The following TIGIT variants were observed in gnomAD, a reference collection of about 807,000 sequenced individuals.
TIGIT encodes the protein T cell immunoreceptor with Ig and ITIM domains, also known as T-cell immunoreceptor with Ig and ITIM domains.
TIGIT carries 11 observed loss-of-function variants against 19.6 expected under a neutral mutation model. The observed-to-expected ratio is 0.56, with a 90% CI of 0.35 to 0.93. TIGIT has a LOEUF of 0.93. Among genes scored for constraint, TIGIT ranks in the 40% least tolerant of loss-of-function variants. The pLI is 0.01. For missense variants in TIGIT, 295 were observed against 303.9 expected (o/e 0.97, Z 0.22); for synonymous variants, 130 against 125.5 (o/e 1.04, Z -0.24).
Position 114,308,244 on chromosome 3 carries a change from T to A in TIGIT, c.*113T>A. 1 of 792,126 alleles carries A rather than the reference T, an allele frequency of 1.3e-6. No homozygotes were observed. Among genetic ancestry groups the A allele is most frequent in the South Asian group, 1.7e-5 (1 of 59,918 alleles). The allele number at this position is 792,126 out of a possible 1,614,324, so 49.1% of individuals were successfully genotyped here. On this transcript the variant is annotated 3_prime_UTR_variant, in exon 4 of 4. Transcript: ENST00000383671. ...GTGTGTGTGTGTGTGTGTATGTGTG[T>A]GTGTGTTCAGTTGAGTGAATAAATG...
chr3:114,306,650 A>C (rs1489786693), intron 3 of TIGIT, among the ~76,000 whole-genome samples: 1 of 152,216 alleles, frequency 6.6e-6, no homozygotes, highest in Non-Finnish European at 1.5e-5. Context: ...AATGTAAGGC[A>C]CTTAGCATTT....
At chr3:114,296,218 A>G (rs2078452923) in intron 2 of TIGIT, among the ~76,000 whole-genome samples, 1 of 152,254 alleles carries the variant, frequency 6.6e-6, no homozygotes, top group Non-Finnish European at 1.5e-5. Context: ...TTGGTTTAGT[A>G]TAATTGTGCA....
chr3:114,295,817 A>G lies in TIGIT; in HGVS notation c.334A>G (p.Thr112Ala), dbSNP rs2078450294. 6.2e-7 allele frequency: 1 copy of G among 1,613,804 alleles called. No individual in the cohort carries two copies. The highest frequency in any genetic ancestry group is 1.3e-5 in the African/African-American group (1 of 74,996). Residue 112 changes from threonine to alanine, a missense_variant, in exon 2 of 4, where the codon ACC (threonine) becomes GCC (alanine). Coordinates refer to ENST00000383671, the MANE Select transcript of TIGIT (RefSeq NM_173799.4). ...AGGGGAGTACTTCTGCATCTATCAC[A>G]CCTACCCTGATGGGACGTACACTGG... ...DTGEYFCIYHTYPDGTYTGRI... is the reference protein window; with the variant it reads ...DTGEYFCIYHAYPDGTYTGRI...
chr3:114,297,303 G>T (rs181222856), intron 2 of TIGIT, among the ~76,000 whole-genome samples: 2 of 152,096 alleles, frequency 1.3e-5, no homozygotes, highest in Non-Finnish European at 2.9e-5. Context: ...CAGTTTTCTT[G>T]TCGATAAAAT....
In TIGIT at chr3:114,309,847, T is replaced by C. The variant is rs1317218060; in HGVS notation, c.*1716T>C. 1.3e-5 allele frequency: 2 copies of C among 151,962 alleles called. No individual in the cohort carries two copies. The highest frequency in any genetic ancestry group is 2.9e-5 in the Non-Finnish European group (2 of 67,992). The allele number at this position is 151,962 out of a possible 1,614,324, so 9.4% of individuals were successfully genotyped here. ...TATTCGGCAGAGGTTGGACTGAGAG[T>C]TGGGTGTTATTTAACATAATTATGG... is the stretch of plus-strand genomic sequence containing the variant. On this transcript the variant is annotated 3_prime_UTR_variant, in exon 4 of 4. Transcript: ENST00000383671.
In TIGIT at chr3:114,308,442, A is replaced by T. The variant is rs2078550226; in HGVS notation, c.*311A>T. The T allele has an allele frequency of 4.3e-6, 1 of 230,728 alleles. No individual in the cohort carries two copies. Among genetic ancestry groups the T allele is most frequent in the African/African-American group, 2.3e-5 (1 of 43,700 alleles). The allele number at this position is 230,728 out of a possible 1,614,324, so 14.3% of individuals were successfully genotyped here. On this transcript the variant is annotated 3_prime_UTR_variant, in exon 4 of 4. Transcript: ENST00000383671. ...CAGATCCTATGTCTCTGAGAGACAC[A>T]TTCCTCATAATGGCCAGCATTTTGG...
At chr3:114,303,467 T>C (rs2078504853) in intron 3 of TIGIT, among the ~76,000 whole-genome samples, 1 of 148,848 alleles carries the variant, frequency 6.7e-6, no homozygotes, top group East Asian at 1.9e-4. Flanking sequence ...TGTTCCTTTT[T>C]ATGGCTGAGT....
In TIGIT at chr3:114,296,873, C is replaced by G. The variant is rs1176728998; in HGVS notation, c.391+999C>G. ...AAGATAAAAGGTTACCTTAAAGTTT[C>G]CTTTCAAATGTTACTTCTTTTTTTT... On this transcript the variant is annotated intron_variant, in intron 2 of 3. Transcript: ENST00000383671. Among the ~76,000 whole-genome samples, 4 of 147,634 alleles carry G rather than the reference C, an allele frequency of 2.7e-5. No individual in the cohort carries two copies. The Admixed American group carries it at 2.7e-4, about 10-fold the overall frequency.
intron 3 of TIGIT, among the ~76,000 whole-genome samples, chr3:114,305,526 G>A (rs958248459): frequency 6.6e-6 from 1 of 152,196 alleles, no homozygotes; most frequent in Non-Finnish European, 1.5e-5. Context: ...CTTGGCTGAA[G>A]CAAGAATTGT....
chr3:114,304,847 G>T (rs981036799), intron 3 of TIGIT, among the ~76,000 whole-genome samples: 4 of 152,174 alleles, frequency 2.6e-5, no homozygotes, highest in Admixed American at 2.6e-4. Context: ...TCTTTCCAGA[G>T]ATCCTCATTC....
Position 114,308,087 on chromosome 3 carries a change from T to C in TIGIT, c.691T>C (p.Tyr231His). ...GCATGACTACTTCAATGTCCTGAGT[T>C]ACAGAAGCCTGGGTAACTGCAGCTT... ...ELHDYFNVLSYRSLGNCSFFT... is the reference protein window; with the variant it reads ...ELHDYFNVLSHRSLGNCSFFT... Residue 231 changes from tyrosine (Y) to histidine (H), a missense_variant, in exon 4 of 4, where the codon TAC becomes CAC. Coordinates refer to ENST00000383671, the MANE Select transcript of TIGIT (RefSeq NM_173799.4). 6.2e-7 allele frequency: 1 copy of C among 1,614,180 alleles called. No individual in the cohort carries two copies. Among genetic ancestry groups the C allele is most frequent in the Non-Finnish European group, 8.5e-7 (1 of 1,180,036 alleles).
intron 3 of TIGIT, among the ~76,000 whole-genome samples, chr3:114,303,630 T>TAC (rs3085123): frequency 0.017 from 1,963 of 115,548 alleles, 120 homozygotes; most frequent in African/African-American, 0.06. Context: ...TGTATATATA[T>TAC]ACACACACAC....
chr3:114,295,335 A>G (rs1406262958), intron 1 of TIGIT, among the ~76,000 whole-genome samples: 3 of 152,134 alleles, frequency 2.0e-5, no homozygotes, highest in African/African-American at 7.2e-5. Context: ...GGGGACTGGG[A>G]GCCTTGAATA....
chr3:114,306,485 G>T (rs1371974036), intron 3 of TIGIT, among the ~76,000 whole-genome samples: 1 of 137,766 alleles, frequency 7.3e-6, no homozygotes, highest in Non-Finnish European at 1.7e-5. Flanking sequence ...CATGTTCTTT[G>T]GAATCAGACA....
chr3:114,308,559 C>T lies in TIGIT; in HGVS notation c.*428C>T, dbSNP rs1048390730. 3 of 157,884 alleles carry T rather than the reference C, an allele frequency of 1.9e-5. No individual in the cohort carries two copies. The highest frequency in any genetic ancestry group is 6.3e-5 in the Admixed American group (1 of 15,914). The allele number at this position is 157,884 out of a possible 1,614,324, so 9.8% of individuals were successfully genotyped here. On this transcript the variant is annotated 3_prime_UTR_variant, in exon 4 of 4. Transcript: ENST00000383671. ...CACGTCATTTTCAGTAACTTTCACTCATTCAAAGGCAGGTTATAAGTAAGT... is the reference window on the plus strand; with the variant it reads ...CACGTCATTTTCAGTAACTTTCACTTATTCAAAGGCAGGTTATAAGTAAGT...
At chr3:114,305,570 G>C (rs772148797) in intron 3 of TIGIT, among the ~76,000 whole-genome samples, 10 of 152,110 alleles carry the variant, frequency 6.6e-5, no homozygotes, top group Non-Finnish European at 1.2e-4. Context: ...CAGGGAGCTG[G>C]CATTTTGGAA....
chr3:114,295,827 ATGGGACGTACAC>A lies in TIGIT; in HGVS notation c.350_361del (p.Thr117_Gly120del). Reference sequence around the variant, plus strand: ...TTCTGCATCTATCACACCTACCCTGATGGGACGTACACTGGGAGAATCTTCCTGGAGGTCCTA... The same window carrying A: ...TTCTGCATCTATCACACCTACCCTGATGGGAGAATCTTCCTGGAGGTCCTA... On this transcript the variant is annotated inframe_deletion, in exon 2 of 4. Coordinates refer to ENST00000383671, the MANE Select transcript of TIGIT (RefSeq NM_173799.4). 4 of 1,613,404 alleles carry A rather than the reference ATGGGACGTACAC, an allele frequency of 2.5e-6. No homozygotes were observed. Among genetic ancestry groups the A allele is most frequent in the Non-Finnish European group, 3.4e-6 (4 of 1,179,448 alleles).
intron 1 of TIGIT, chr3:114,294,853 T>G (rs2078442935): frequency 6.6e-6 from 1 of 152,274 alleles, no homozygotes; most frequent in Admixed American, 6.5e-5. Context: ...ACAGCAAGGT[T>G]TTATTTCAAA....
chr3:114,307,650 T>C, intron 3 of TIGIT: 1 of 506,640 alleles, frequency 2.0e-6, no homozygotes, highest in Non-Finnish European at 3.6e-6. Flanking sequence ...CTAAGCTTAG[T>C]GAACAGGAAG....
Sources: gnomAD v4.1 joint callset for allele counts (sites outside exome capture counted in the v4.1 genomes callset) on GRCh38, gnomAD v4.1.1 for gene constraint, MANE v1.5 for transcripts, NCBI Gene and HGNC (gene_info 2026-07-23, HGNC 2026-07-21) for gene names.